The following SPATA2L variants were observed in gnomAD, a reference collection of about 807,000 sequenced individuals.
SPATA2L encodes spermatogenesis associated 2 like.
In SPATA2L, 5 loss-of-function variants were observed where a neutral mutation model predicts 8.7. The observed-to-expected ratio is 0.57, with a 90% confidence interval of 0.30 to 1.21. The LOEUF is 1.21. Among genes scored for constraint, SPATA2L ranks in the 50% most tolerant of loss-of-function variants. The probability of loss-of-function intolerance (pLI) is 0.07; values close to 1 mark genes in which losing one functional copy is unlikely to be tolerated. For missense variants in SPATA2L, 671 were observed against 591.0 expected (o/e 1.14, Z -1.40); for synonymous variants, 358 against 275.8 (o/e 1.30, Z -2.95).
chr16:89,697,668 C>G lies in SPATA2L; in HGVS notation c.941G>C (p.Arg314Pro). ...CAGGTCCCCAGGCCTACTCAGCTCA[C>G]GGCGCAGAGAGAGGAAGGAGAAGGC... The part of the protein sequence containing the change: ...PSAFSFLSLR[R>P]ELSRPGDLAT... Residue 314 changes from arginine to proline, a missense_variant, in exon 3 of 3, where the codon CGT (arginine) becomes CCT (proline). By Grantham distance (103) the Arg-to-Pro change is moderately radical. Coordinates refer to ENST00000289805, the MANE Select transcript of SPATA2L (RefSeq NM_152339.4). 1 of 1,610,740 alleles carries G rather than the reference C, an allele frequency of 6.2e-7. No individual in the cohort carries two copies. Among genetic ancestry groups the G allele is most frequent in the Non-Finnish European group, 8.5e-7 (1 of 1,179,808 alleles).
At chr16:89,698,969 G>A (rs1328868077) in intron 2 of SPATA2L, among the ~76,000 whole-genome samples, 1 of 151,782 alleles carries the variant, frequency 6.6e-6, no homozygotes, top group African/African-American at 2.4e-5. Context: ...TGTATATTTA[G>A]TAGAGACGGG....
In SPATA2L at chr16:89,697,346, C is replaced by A; in HGVS notation, c.1263G>T (p.Gly421=). The A allele has an allele frequency of 6.6e-7, 1 of 1,520,448 alleles. No individual in the cohort carries two copies. Among genetic ancestry groups the A allele is most frequent in the Non-Finnish European group, 8.8e-7 (1 of 1,133,446 alleles). The allele number at this position is 1,520,448 out of a possible 1,614,324, so 94.2% of individuals were successfully genotyped here. ...GGGCCCAGCTGGCCTAGGGCCGGGCCCCGGGGCTGTTGTAGAGCAGAGTGT... is the reference window on the plus strand; with the variant it reads ...GGGCCCAGCTGGCCTAGGGCCGGGCACCGGGGCTGTTGTAGAGCAGAGTGT... ...QMDTLLYNSP[G]ARP is the part of the protein sequence containing the mutation. The change falls in exon 3 of 3, where the codon GGG becomes GGT. Residue 421 remains glycine, a synonymous_variant. Coordinates refer to ENST00000289805, the MANE Select transcript of SPATA2L (RefSeq NM_152339.4).
chr16:89,701,182 C>T lies in SPATA2L; in HGVS notation c.51G>A (p.Glu17=). The T allele has an allele frequency of 6.7e-7, 1 of 1,485,968 alleles. No individual in the cohort carries two copies. Among genetic ancestry groups the T allele is most frequent in the Non-Finnish European group, 8.9e-7 (1 of 1,121,064 alleles). 92.0% of individuals were successfully genotyped at this position (1,485,968 alleles called of 1,614,324 possible). ...SEDYRQCLER[E]LRRGRAGVCG... is the part of the protein sequence containing the mutation. The stretch of plus-strand genomic sequence containing the variant: ...ACACGCCCGCGCGGCCCCGTCGCAG[C>T]TCGCGCTCCAGGCACTGGCGGTAGT... The change falls in exon 2 of 3, where the codon GAG becomes GAA. Residue 17 remains glutamate (E), a synonymous_variant. Coordinates refer to ENST00000289805, the MANE Select transcript of SPATA2L (RefSeq NM_152339.4).
Position 89,697,872 on chromosome 16 carries a change from G to C in SPATA2L, c.737C>G (p.Pro246Arg). 1 of 1,611,748 alleles carries C rather than the reference G, an allele frequency of 6.2e-7. No individual in the cohort carries two copies. Among genetic ancestry groups the C allele is most frequent in the Non-Finnish European group, 8.5e-7 (1 of 1,179,690 alleles). ...GSEDASLYGE[P>R]SPGPDSPPAE... ...CGGGGGCGAGTCAGGGCCTGGTGAC[G>C]GCTCCCCATACAGGCTGGCGTCCTC... The change falls in exon 3 of 3, where the codon CCG becomes CGG. Residue 246 changes from proline to arginine, a missense_variant. Pro to Arg is a moderately radical substitution (Grantham distance 103). Coordinates refer to ENST00000289805, the MANE Select transcript of SPATA2L (RefSeq NM_152339.4).
In SPATA2L at chr16:89,701,052, G is replaced by C; in HGVS notation, c.181C>G (p.Leu61Val). The C allele has an allele frequency of 1.3e-6, 2 of 1,572,606 alleles. No homozygotes were observed. Among genetic ancestry groups the C allele is most frequent in the Non-Finnish European group, 1.7e-6 (2 of 1,163,160 alleles). Residue 61 changes from leucine (L) to valine (V), a missense_variant, in exon 2 of 3, where the codon CTG becomes GTG. Transcript: ENST00000289805. ...DDALALLTDG[L>V]WGRADLAPAL... ...GGCGCCAGGTCGGCGCGGCCCCACA[G>C]CCCGTCGGTGAGCAGAGCCAGCGCG...
At position 89,697,664 on chromosome 16, in the gene SPATA2L, C is replaced by G. The variant is rs375822620; in HGVS notation, c.945G>C (p.Glu315Asp). ...SAFSFLSLRRELSRPGDLATP... is the reference protein window; with the variant it reads ...SAFSFLSLRRDLSRPGDLATP... ...TGGCCAGGTCCCCAGGCCTACTCAGCTCACGGCGCAGAGAGAGGAAGGAGA... is the reference window on the plus strand; with the variant it reads ...TGGCCAGGTCCCCAGGCCTACTCAGGTCACGGCGCAGAGAGAGGAAGGAGA... The change falls in exon 3 of 3, where the codon GAG becomes GAC. Residue 315 changes from glutamate (E) to aspartate (D), a missense_variant. Physicochemically the swap from Glu to Asp is conservative, Grantham distance 45 (BLOSUM62 2). Coordinates refer to ENST00000289805, the MANE Select transcript of SPATA2L (RefSeq NM_152339.4). 6.2e-7 allele frequency: 1 copy of G among 1,610,526 alleles called. No individual in the cohort carries two copies. The highest frequency in any genetic ancestry group is 2.2e-5 in the East Asian group (1 of 44,874).
At position 89,697,129 on chromosome 16, in the gene SPATA2L, T is replaced by A. The variant is rs963172420; in HGVS notation, c.*205A>T. On this transcript the variant is annotated 3_prime_UTR_variant, in exon 3 of 3. Coordinates refer to ENST00000289805, the MANE Select transcript of SPATA2L (RefSeq NM_152339.4). Reference sequence around the variant, plus strand: ...TGGGGAAATGTGGAAAGGCTCCTGCTGGCCGGCTTAGGCCTGCTGCCCTTG... The same window carrying A: ...TGGGGAAATGTGGAAAGGCTCCTGCAGGCCGGCTTAGGCCTGCTGCCCTTG... 15 of 1,377,458 alleles carry A rather than the reference T, an allele frequency of 1.1e-5. No individual in the cohort carries two copies. The Admixed American group carries it at 4.4e-4, about 40-fold the overall frequency. 85.3% of individuals were successfully genotyped at this position (1,377,458 alleles called of 1,614,324 possible).
rs1425508948 is a variant in SPATA2L, at chr16:89,700,963, C to T, written c.270G>A (p.Leu90=). ...LLELAAVHLY[L]LPWRKEFTTI... ...TGGTGAACTCCTTCCTCCAGGGCAG[C>T]AGGTACAGGTGCACCGCGGCGAGCT... Residue 90 remains leucine (L), a synonymous_variant, in exon 2 of 3, where the codon CTG becomes CTA. Coordinates refer to ENST00000289805, the MANE Select transcript of SPATA2L (RefSeq NM_152339.4). 3 of 1,528,914 alleles carry T rather than the reference C, an allele frequency of 2.0e-6. No homozygotes were observed. The highest frequency in any genetic ancestry group is 1.2e-5 in the South Asian group (1 of 80,786). 94.7% of individuals were successfully genotyped at this position (1,528,914 alleles called of 1,614,324 possible). A position where few individuals can be genotyped will look rare whatever the true frequency, so the allele number is the denominator to read the frequency against.
Position 89,697,355 on chromosome 16 carries a change from G to C in SPATA2L, c.1254C>G (p.Asn418Lys). 6.5e-7 allele frequency: 1 copy of C among 1,536,502 alleles called. No homozygotes were observed. Among genetic ancestry groups the C allele is most frequent in the Non-Finnish European group, 8.8e-7 (1 of 1,139,778 alleles). Reference sequence around the variant, plus strand: ...TGGCCTAGGGCCGGGCCCCGGGGCTGTTGTAGAGCAGAGTGTCCATCTGTG... The same window carrying C: ...TGGCCTAGGGCCGGGCCCCGGGGCTCTTGTAGAGCAGAGTGTCCATCTGTG... ...QRAQMDTLLY[N>K]SPGARP Residue 418 changes from asparagine to lysine, a missense_variant, in exon 3 of 3, where the codon AAC becomes AAG. Physicochemically the swap from Asn to Lys is moderately conservative, Grantham distance 94. Coordinates refer to ENST00000289805, the MANE Select transcript of SPATA2L (RefSeq NM_152339.4).
At position 89,701,006 on chromosome 16, in the gene SPATA2L, C is replaced by G. The variant is rs1352419474; in HGVS notation, c.227G>C (p.Arg76Pro). Residue 76 changes from arginine to proline, a missense_variant, in exon 2 of 3, where the codon CGC (arginine) becomes CCC (proline). By Grantham distance (103) the Arg-to-Pro change is moderately radical (BLOSUM62 -2). Coordinates refer to ENST00000289805, the MANE Select transcript of SPATA2L (RefSeq NM_152339.4). ...GGCGAGCTCCAGAAGCTCGAAGGCG[C>G]GAGCCAGGCCGCGTAGCGCGGGCGC... ...DLAPALRGLA[R>P]AFELLELAAV... The G allele has an allele frequency of 6.4e-7, 1 of 1,565,868 alleles. No individual in the cohort carries two copies. Among genetic ancestry groups the G allele is most frequent in the Non-Finnish European group, 8.6e-7 (1 of 1,158,328 alleles).
chr16:89,697,758 T>C lies in SPATA2L; in HGVS notation c.851A>G (p.Glu284Gly), dbSNP rs756980048. 2.5e-6 allele frequency: 4 copies of C among 1,603,364 alleles called. No individual in the cohort carries two copies. The highest frequency in any genetic ancestry group is 1.3e-5 in the African/African-American group (1 of 74,578). The change falls in exon 3 of 3, where the codon GAG becomes GGG. Residue 284 changes from glutamate (E) to glycine (G), a missense_variant. Coordinates refer to ENST00000289805, the MANE Select transcript of SPATA2L (RefSeq NM_152339.4). ...TGGTGGGCTGCTGGCCTGCGGCAGC[T>C]CCTCAGCTGGGGGCTCCCAGGCCCG... Reference protein sequence around the residue: ...GGRAWEPPAEELPQASSPPYG... With the variant: ...GGRAWEPPAEGLPQASSPPYG...
In SPATA2L at chr16:89,698,159, C is replaced by G; in HGVS notation, c.450G>C (p.Gln150His). The G allele has an allele frequency of 6.2e-7, 1 of 1,611,692 alleles. No homozygotes were observed. The highest frequency in any genetic ancestry group is 8.5e-7 in the Non-Finnish European group (1 of 1,179,482). ...GGAGGGCGAAGCAGCCCAGGGCCAC[C>G]TGCACCAGCTGGCAGGCGGGGGGCA... ...TALPPACQLV[Q>H]VALGCFALRL... The change falls in exon 3 of 3, where the codon CAG becomes CAC. Residue 150 changes from glutamine (Q) to histidine (H), a missense_variant. Gln to His is a conservative substitution (Grantham distance 24). Coordinates refer to ENST00000289805, the MANE Select transcript of SPATA2L (RefSeq NM_152339.4).
rs2060736353 is a variant in SPATA2L, at chr16:89,697,191, G to C, written c.*143C>G. 3 of 1,378,398 alleles carry C rather than the reference G, an allele frequency of 2.2e-6. No homozygotes were observed. The African/African-American group carries it at 4.4e-5, about 20-fold the overall frequency. The allele number at this position is 1,378,398 out of a possible 1,614,324, so 85.4% of individuals were successfully genotyped here. On this transcript the variant is annotated 3_prime_UTR_variant, in exon 3 of 3. Transcript: ENST00000289805. Reference sequence around the variant, plus strand: ...ATACAGAGAGTCCCACCTCCAGCAAGGGTTGGCCTGGACTCTCCAACCCCC... The same window carrying C: ...ATACAGAGAGTCCCACCTCCAGCAACGGTTGGCCTGGACTCTCCAACCCCC...
At position 89,700,925 on chromosome 16, in the gene SPATA2L, C is replaced by A. The variant is rs2060771872; in HGVS notation, c.303+5G>T. 1 of 1,453,070 alleles carries A rather than the reference C, an allele frequency of 6.9e-7. No homozygotes were observed. The highest frequency in any genetic ancestry group is 1.4e-5 in the South Asian group (1 of 70,508). The allele number at this position is 1,453,070 out of a possible 1,614,324, so 90.0% of individuals were successfully genotyped here. On this transcript the variant is annotated splice_donor_5th_base_variant and intron_variant, in intron 2 of 2. Transcript: ENST00000289805. Reference sequence around the variant, plus strand: ...GGGGCGCGCTCCTCCTGGCCTGGCGCCTACCTTGATGGTGGTGAACTCCTT... The same window carrying A: ...GGGGCGCGCTCCTCCTGGCCTGGCGACTACCTTGATGGTGGTGAACTCCTT...
rs1191744700 is a variant in SPATA2L, at chr16:89,697,579, A to G, written c.1030T>C (p.Ser344Pro). ...GGCTCCGAGACAGACCTATAGGCTG[A>G]GGCTGGTACCCCCTCTGCCCGAATA... is the stretch of plus-strand genomic sequence containing the variant. ...RRIRAEGVPASAYRSVSEPPG... is the reference protein window; with the variant it reads ...RRIRAEGVPAPAYRSVSEPPG... The change falls in exon 3 of 3, where the codon TCA becomes CCA. Residue 344 changes from serine (S) to proline (P), a missense_variant. By Grantham distance (74) the Ser-to-Pro change is moderately conservative (BLOSUM62 -1). Transcript: ENST00000289805. 3 of 1,599,018 alleles carry G rather than the reference A, an allele frequency of 1.9e-6. No homozygotes were observed. The highest frequency in any genetic ancestry group is 1.7e-6 in the Non-Finnish European group (2 of 1,175,936).
Position 89,697,796 on chromosome 16 carries a change from CCA to C in SPATA2L, c.811_812del (p.Trp271GlyfsTer12). 1 of 1,601,472 alleles carries C rather than the reference CCA, an allele frequency of 6.2e-7. No homozygotes were observed. ...GCTCCCAGGCCCGGCCCCCAGTGCCCCACAGTTTGGCACTCTGCTCCCAGAGT... is the reference window on the plus strand; with the variant it reads ...GCTCCCAGGCCCGGCCCCCAGTGCCCCAGTTTGGCACTCTGCTCCCAGAGT... ...PPLWEQSAKL[W>X]GTGGRAWEPP... On this transcript the variant is annotated frameshift_variant, in exon 3 of 3. Coordinates refer to ENST00000289805, the MANE Select transcript of SPATA2L (RefSeq NM_152339.4). LOFTEE classifies it low-confidence loss of function (END_TRUNC).
chr16:89,696,764 CTG>C lies in SPATA2L; in HGVS notation c.*568_*569del, dbSNP rs2060730089. On this transcript the variant is annotated 3_prime_UTR_variant, in exon 3 of 3. Transcript: ENST00000289805. Reference sequence around the variant, plus strand: ...GGTTTGAGGTCAGGTCATTTCCTGTCTGTGGGCCCAGCTGCTGTGACACCCAA... The same window carrying C: ...GGTTTGAGGTCAGGTCATTTCCTGTCTGGGCCCAGCTGCTGTGACACCCAA... The C allele has an allele frequency of 6.5e-7, 1 of 1,530,030 alleles. No homozygotes were observed. The highest frequency in any genetic ancestry group is 8.8e-7 in the Non-Finnish European group (1 of 1,142,806). The allele number at this position is 1,530,030 out of a possible 1,614,324, so 94.8% of individuals were successfully genotyped here.
Position 89,697,991 on chromosome 16 carries a change from A to G in SPATA2L, c.618T>C (p.Asp206=), listed in dbSNP as rs771792679. 1.2e-6 allele frequency: 2 copies of G among 1,601,200 alleles called. No individual in the cohort carries two copies. The highest frequency in any genetic ancestry group is 4.5e-5 in the East Asian group (2 of 44,692). ...VAWLQQRLAQ[D]EEPPPLPPRG... is the part of the protein sequence containing the mutation. ...GGGGGGGCAGGGGTGGCGGCTCCTC[A>G]TCCTGGGCCAGCCGCTGCTGCAGCC... Residue 206 remains aspartate, a synonymous_variant, in exon 3 of 3, where the codon GAT becomes GAC. Transcript: ENST00000289805.
chr16:89,699,479 T>G (rs2060761032), intron 2 of SPATA2L, among the ~76,000 whole-genome samples: 1 of 152,102 alleles, frequency 6.6e-6, no homozygotes, highest in Non-Finnish European at 1.5e-5. Context: ...GGGTGACACG[T>G]CTGTTTTCAG....
Sources: allele counts gnomAD v4.1 joint callset (sites outside exome capture counted in the v4.1 genomes callset), GRCh38; gene constraint gnomAD v4.1.1; transcripts MANE v1.5; gene names NCBI Gene and HGNC (gene_info 2026-07-23, HGNC 2026-07-21).